TTYH3: variants seen among roughly 807,000 people sequenced by gnomAD.
TTYH3 encodes tweety family member 3, also known as protein tweety homolog 3.
Under a neutral mutation model 68.2 loss-of-function variants are expected in TTYH3, and 23 were observed. The ratio of observed to expected loss-of-function variants is 0.34; its 90% CI spans 0.24 to 0.48. TTYH3 has a LOEUF of 0.48. TTYH3 is among the 20% of genes least tolerant of loss of function. The probability of loss-of-function intolerance (pLI) is 0.99; values close to 1 mark genes in which losing one functional copy is unlikely to be tolerated. For missense variants in TTYH3, 768 were observed against 727.7 expected, an observed-to-expected ratio of 1.06 and a Z score of -0.64; for synonymous variants, 360 against 332.8, an observed-to-expected ratio of 1.08 and a Z score of -0.89.
Position 2,647,955 on chromosome 7 carries a change from G to T in TTYH3, c.627-4G>T. On this transcript the variant is annotated splice_polypyrimidine_tract_variant and splice_region_variant and intron_variant, in intron 4 of 13. Transcript: ENST00000258796. Reference sequence around the variant, plus strand: ...CCCTGGCGCACTCCCAGGTTTGCCTGCAGGTGGCTGGGCTACCTGGGCCTG... The same window carrying T: ...CCCTGGCGCACTCCCAGGTTTGCCTTCAGGTGGCTGGGCTACCTGGGCCTG... The T allele has an allele frequency of 6.2e-7, 1 of 1,606,968 alleles. No individual in the cohort carries two copies. Among genetic ancestry groups the T allele is most frequent in the East Asian group, 2.2e-5 (1 of 44,878 alleles).
At chr7:2,661,443 C>T (rs935016938) in intron 13 of TTYH3, among the ~76,000 whole-genome samples, 7 of 152,108 alleles carry the variant, frequency 4.6e-5, no homozygotes, top group African/African-American at 1.2e-4. Flanking sequence ...CTGGAGAGTT[C>T]GGGGGCTGCC....
At chr7:2,656,685 A>T in intron 11 of TTYH3, 151 bp downstream of exon 11, 1 of 940,018 alleles carries the variant, frequency 1.1e-6, no homozygotes, top group Non-Finnish European at 1.5e-6. Context: ...AGGCCTCTCT[A>T]GTGTCTCTGA....
intron 9 of TTYH3, among the ~76,000 whole-genome samples, chr7:2,655,132 G>A (rs771771051): frequency 6.6e-6 from 1 of 151,306 alleles, no homozygotes; most frequent in Non-Finnish European, 1.5e-5. Context: ...CTGTTATCCC[G>A]AAATCCATTT....
chr7:2,640,698 G>A (rs1053439898), intron 1 of TTYH3, among the ~76,000 whole-genome samples: 4 of 152,248 alleles, frequency 2.6e-5, no homozygotes, highest in Non-Finnish European at 5.9e-5. Flanking sequence ...GTCCAGACAG[G>A]GCCTGGAGGC....
In TTYH3 at chr7:2,661,686, G is replaced by A; in HGVS notation, c.1519G>A (p.Ala507Thr). The A allele has an allele frequency of 1.9e-6, 3 of 1,612,240 alleles. No homozygotes were observed. The highest frequency in any genetic ancestry group is 1.7e-6 in the Non-Finnish European group (2 of 1,179,528). ...CCTCCAGTACACCTCCAGCATGAGA[G>A]CCAAATACCTCGCCACGAGCCAGCC... The part of the protein sequence containing the change: ...PPPSYTSSMR[A>T]KYLATSQPRP... Residue 507 changes from alanine to threonine, a missense_variant, in exon 14 of 14, where the codon GCC (alanine) becomes ACC (threonine). Coordinates refer to ENST00000258796, the MANE Select transcript of TTYH3 (RefSeq NM_025250.3).
Position 2,652,175 on chromosome 7 carries a change from GTC to G in TTYH3, c.872-7_872-6del. ...CTGTTGCAGCTCAGCCTTCCCTGAT[GTC>G]TCTCCGCAGACATCCTGCAGTACTA... is the stretch of plus-strand genomic sequence containing the variant. On this transcript the variant is annotated splice_polypyrimidine_tract_variant and intron_variant, in intron 7 of 13. Coordinates refer to ENST00000258796, the MANE Select transcript of TTYH3 (RefSeq NM_025250.3). 2 of 1,613,210 alleles carry G rather than the reference GTC, an allele frequency of 1.2e-6. No individual in the cohort carries two copies. The highest frequency in any genetic ancestry group is 1.7e-6 in the Non-Finnish European group (2 of 1,179,828).
intron 1 of TTYH3, among the ~76,000 whole-genome samples, chr7:2,636,793 T>C (rs1030946880): frequency 4.6e-5 from 4 of 86,378 alleles, no homozygotes; most frequent in Non-Finnish European, 8.6e-5. Flanking sequence ...CTGTGGGCCC[T>C]GGACCTGCTT....
chr7:2,644,143 G>A lies in TTYH3; in HGVS notation c.124-2710G>A, dbSNP rs541913373. Among the ~76,000 whole-genome samples the A allele has an allele frequency of 3.3e-5, 5 of 152,292 alleles. No homozygotes were observed. In the South Asian group the frequency reaches 1.0e-3, roughly 32 times the overall value. On this transcript the variant is annotated intron_variant, in intron 1 of 13. Transcript: ENST00000258796. Reference sequence around the variant, plus strand: ...AGGCCCTGTGGATGGAAGTGCAGACGTGGGCATGGGTCCTGTGGAGCTCTG... The same window carrying A: ...AGGCCCTGTGGATGGAAGTGCAGACATGGGCATGGGTCCTGTGGAGCTCTG...
chr7:2,638,495 C>G (rs1785740207), intron 1 of TTYH3, among the ~76,000 whole-genome samples: 1 of 152,118 alleles, frequency 6.6e-6, no homozygotes, highest in African/African-American at 2.4e-5. Flanking sequence ...TCCTTCCAGG[C>G]CATTCCTGGA....
At position 2,650,175 on chromosome 7, in the gene TTYH3, T is replaced by C. The variant is rs558196527; in HGVS notation, c.871+187T>C. Among the ~76,000 whole-genome samples, 586 of 152,264 alleles carry C rather than the reference T, an allele frequency of 3.8e-3. 3 individuals are homozygous for C. Among genetic ancestry groups the C allele is most frequent in the African/African-American group, 0.013 (555 of 41,562 alleles). Reference sequence around the variant, plus strand: ...CCCAAGTGGGAGGCTCTGCAAAGAATGACAGGAACTATGTGGGGTGGCGGG... The same window carrying C: ...CCCAAGTGGGAGGCTCTGCAAAGAACGACAGGAACTATGTGGGGTGGCGGG... On this transcript the variant is annotated intron_variant, in intron 7 of 13. Transcript: ENST00000258796.
At chr7:2,656,346 C>T in intron 10 of TTYH3, 52 bp from the exon 11 acceptor site, 1 of 1,590,398 alleles carries the variant, frequency 6.3e-7, no homozygotes, top group South Asian at 1.1e-5. Context: ...CTCACGCTGC[C>T]CCCTCCACCC....
chr7:2,659,135 A>T, intron 13 of TTYH3, 120 bp downstream of exon 13: 5 of 956,208 alleles, frequency 5.2e-6, no homozygotes, highest in Non-Finnish European at 6.3e-6. Context: ...GGCAGCTGTG[A>T]GCTGCCACCA....
chr7:2,649,532 G>A, intron 5 of TTYH3, 35 bp from the exon 6 acceptor site: 1 of 1,551,934 alleles, frequency 6.4e-7, no homozygotes, highest in Non-Finnish European at 8.7e-7. Context: ...CCCCACCCTG[G>A]CCTGGGGGCT....
chr7:2,658,850 G>T, intron 12 of TTYH3, 90 bp from the exon 13 acceptor site: 1 of 1,273,820 alleles, frequency 7.9e-7, no homozygotes. Flanking sequence ...GCCCATCTGG[G>T]CACAGCGGGC....
In TTYH3 at chr7:2,647,594, G is replaced by T. The variant is rs62439525; in HGVS notation, c.582G>T (p.Ser194=). 35,394 of 1,573,984 alleles carry T rather than the reference G, an allele frequency of 0.022. 484 individuals are homozygous for T. Among genetic ancestry groups the T allele is most frequent in the South Asian group, 0.032 (2,717 of 85,526 alleles). ...AIPFWRNTAV[S]LEVLAEQVDL... is the part of the protein sequence containing the mutation. ...CCTTTTGGAGGAACACGGCGGTGTC[G>T]CTGGAGGTGCTGGCGGAGCAGGTGG... The change falls in exon 4 of 14, where the codon TCG becomes TCT. Residue 194 remains serine, a synonymous_variant. Coordinates refer to ENST00000258796, the MANE Select transcript of TTYH3 (RefSeq NM_025250.3).
At chr7:2,634,295 G>C (rs531671358) in intron 1 of TTYH3, among the ~76,000 whole-genome samples, 1 of 152,146 alleles carries the variant, frequency 6.6e-6, no homozygotes, top group Non-Finnish European at 1.5e-5. Context: ...GCCTCATCCT[G>C]AATCTGGGCT....
At chr7:2,652,397 A>G (rs968524028) in intron 8 of TTYH3, among the ~76,000 whole-genome samples, 155 bp downstream of exon 8, 2 of 152,164 alleles carry the variant, frequency 1.3e-5, no homozygotes, top group Non-Finnish European at 2.9e-5. Flanking sequence ...GATGTCACCA[A>G]CAGCCCCTGG....
chr7:2,647,593 C>T lies in TTYH3; in HGVS notation c.581C>T (p.Ser194Leu), dbSNP rs369141746. ...CCCTTTTGGAGGAACACGGCGGTGT[C>T]GCTGGAGGTGCTGGCGGAGCAGGTG... ...AIPFWRNTAV[S>L]LEVLAEQVDL... Residue 194 changes from serine (S) to leucine (L), a missense_variant, in exon 4 of 14, where the codon TCG (serine) becomes TTG (leucine). Coordinates refer to ENST00000258796, the MANE Select transcript of TTYH3 (RefSeq NM_025250.3). The T allele has an allele frequency of 9.1e-5, 143 of 1,574,586 alleles. No individual in the cohort carries two copies. Among genetic ancestry groups the T allele is most frequent in the Non-Finnish European group, 1.2e-4 (134 of 1,161,102 alleles).
intron 13 of TTYH3, chr7:2,660,473 A>C (rs903515572): frequency 2.1e-5 from 21 of 985,148 alleles, no homozygotes; most frequent in Non-Finnish European, 2.4e-5. Flanking sequence ...CGAGCACGTG[A>C]GCTTCTCCCG....
Sources: allele counts gnomAD v4.1 joint callset (sites outside exome capture counted in the v4.1 genomes callset), GRCh38; gene constraint gnomAD v4.1.1; transcripts MANE v1.5; gene names NCBI Gene and HGNC (gene_info 2026-07-23, HGNC 2026-07-21).